STK3: variants seen among roughly 807,000 people sequenced by gnomAD.
STK3 encodes the protein serine/threonine kinase 3, also known as serine/threonine-protein kinase 3.
STK3 carries 41 observed loss-of-function variants against 58.0 expected under a neutral mutation model. That is an observed-to-expected ratio of 0.71 (90% CI 0.55 to 0.92). STK3 has a LOEUF of 0.92. Ranked by LOEUF, STK3 falls within the 40% of genes least tolerant of loss-of-function variation. STK3 has a pLI of 0.00. For synonymous variants in STK3, 170 were observed against 191.0 expected, an observed-to-expected ratio of 0.89 and a Z score of 0.91; for missense variants, 479 against 602.7, an observed-to-expected ratio of 0.79 and a Z score of 2.15.
intron 1 of STK3, among the ~76,000 whole-genome samples, chr8:98,906,942 G>A (rs1341629563): frequency 6.7e-6 from 1 of 149,964 alleles, no homozygotes; most frequent in African/African-American, 2.5e-5. Flanking sequence ...GAGACCAGGA[G>A]TTCGAGACCA....
chr8:98,752,420 A>G (rs2131369515), intron 3 of STK3, among the ~76,000 whole-genome samples: 1 of 152,260 alleles, frequency 6.6e-6, no homozygotes, highest in South Asian at 2.1e-4. Context: ...TTGAAACTGG[A>G]CCCCTCCCTT....
chr8:98,438,015 A>G (rs1481674618), intron 1 of STK3: 3 of 152,318 alleles, frequency 2.0e-5, no homozygotes, highest in African/African-American at 4.8e-5. Context: ...GAGGCAAACC[A>G]TTTCCACCCT....
intron 4 of STK3, among the ~76,000 whole-genome samples, chr8:98,715,581 G>A (rs1289344554): frequency 6.6e-6 from 1 of 152,144 alleles, no homozygotes; most frequent in Non-Finnish European, 1.5e-5. Context: ...ACCACAATGA[G>A]ATACCATCTC....
intron 1 of STK3, among the ~76,000 whole-genome samples, chr8:98,935,176 G>T (rs1426089515): frequency 2.0e-5 from 3 of 152,028 alleles, no homozygotes; most frequent in Admixed American, 2.0e-4. Context: ...TGGGGGTGGG[G>T]GGCTTGCCCT....
chr8:98,511,673 A>G (rs1330787462), intron 10 of STK3, among the ~76,000 whole-genome samples: 5 of 152,252 alleles, frequency 3.3e-5, no homozygotes, highest in Admixed American at 6.5e-5. Flanking sequence ...AATACCATCC[A>G]CTTTCTCCTG....
intron 8 of STK3, among the ~76,000 whole-genome samples, chr8:98,548,647 A>G (rs892178819): frequency 6.6e-6 from 1 of 152,160 alleles, no homozygotes; most frequent in Non-Finnish European, 1.5e-5. Flanking sequence ...TTTTAAGTGT[A>G]TAACTCTGTA....
chr8:98,584,181 C>T (rs1392897689), intron 7 of STK3, among the ~76,000 whole-genome samples: 1 of 151,798 alleles, frequency 6.6e-6, no homozygotes, highest in Non-Finnish European at 1.5e-5. Context: ...ATGTGCCATG[C>T]TGGTGCGCTG....
chr8:98,510,988 G>A (rs1824471019), intron 10 of STK3, among the ~76,000 whole-genome samples: 1 of 151,888 alleles, frequency 6.6e-6, no homozygotes, highest in South Asian at 2.1e-4. Context: ...AACTAAAAAG[G>A]AGTTTTGTTA....
At chr8:98,382,170 C>T (rs1335630890) in intron 1 of STK3, among the ~76,000 whole-genome samples, 4 of 152,020 alleles carry the variant, frequency 2.6e-5, no homozygotes, top group Non-Finnish European at 5.9e-5. Flanking sequence ...GCCACGGTGA[C>T]CCTTCCTGGC....
chr8:98,610,412 C>T (rs1414051658), intron 6 of STK3, among the ~76,000 whole-genome samples: 4 of 152,168 alleles, frequency 2.6e-5, no homozygotes, highest in Non-Finnish European at 5.9e-5. Flanking sequence ...TGCAATACTG[C>T]CTAGCTTCAT....
At chr8:98,507,552 T>C (rs1824194026) in intron 10 of STK3, among the ~76,000 whole-genome samples, 1 of 152,238 alleles carries the variant, frequency 6.6e-6, no homozygotes, top group African/African-American at 2.4e-5. Context: ...GTCAGTCAGT[T>C]AGAGATCAAG....
At chr8:98,585,367 G>T (rs1199755681) in intron 7 of STK3, among the ~76,000 whole-genome samples, 2 of 151,960 alleles carry the variant, frequency 1.3e-5, no homozygotes, top group Non-Finnish European at 2.9e-5. Context: ...TTTCCCCATT[G>T]CTTGTTTTTC....
At chr8:98,915,889 A>C (rs896644921) in intron 1 of STK3, among the ~76,000 whole-genome samples, 1 of 152,080 alleles carries the variant, frequency 6.6e-6, no homozygotes, top group Admixed American at 6.6e-5. Context: ...CATTTTACCT[A>C]TCTATTTTAG....
rs143723326 is a variant in STK3, at chr8:98,760,112, C to G, written c.236+7131G>C. Among the ~76,000 whole-genome samples, 172 of 151,756 alleles carry G rather than the reference C, an allele frequency of 1.1e-3. 1 individual carries two copies. Among genetic ancestry groups the G allele is most frequent in the African/African-American group, 3.7e-3 (152 of 41,372 alleles). ...CTGTGGATGCAGAACAAGCAGGATACAGAGGGCTAACTGTAGTTTTGTTAC... is the reference window on the plus strand; with the variant it reads ...CTGTGGATGCAGAACAAGCAGGATAGAGAGGGCTAACTGTAGTTTTGTTAC... On this transcript the variant is annotated intron_variant, in intron 3 of 10. Coordinates refer to ENST00000419617, the MANE Select transcript of STK3 (RefSeq NM_006281.4).
chr8:98,904,338 A>G (rs986246708), intron 1 of STK3, among the ~76,000 whole-genome samples: 1 of 152,180 alleles, frequency 6.6e-6, no homozygotes, highest in Admixed American at 6.5e-5. Context: ...ATGCCAGCAT[A>G]ATCCTTACCT....
chr8:98,888,155 C>T (rs1838061104), intron 1 of STK3, among the ~76,000 whole-genome samples: 1 of 152,022 alleles, frequency 6.6e-6, no homozygotes, highest in South Asian at 2.1e-4. Flanking sequence ...CCTATCTCTA[C>T]TAAAAATACA....
At chr8:98,472,036 C>T in intron 10 of STK3, among the ~76,000 whole-genome samples, 1 of 152,136 alleles carries the variant, frequency 6.6e-6, no homozygotes, top group Admixed American at 6.5e-5. Flanking sequence ...CTGGCAGACA[C>T]TATGCTGTTA....
chr8:98,739,622 A>T (rs1587474490), intron 4 of STK3, among the ~76,000 whole-genome samples: 1 of 147,464 alleles, frequency 6.8e-6, no homozygotes, highest in Non-Finnish European at 1.5e-5. Flanking sequence ...GACCAAAAGT[A>T]GATAAAACCA....
chr8:98,789,384 A>G (rs1263132940), intron 1 of STK3, among the ~76,000 whole-genome samples: 1 of 152,188 alleles, frequency 6.6e-6, no homozygotes, highest in Non-Finnish European at 1.5e-5. Flanking sequence ...CAAACCCAGT[A>G]TAAGAAAGGA....
Sources: allele counts gnomAD v4.1 joint callset (sites outside exome capture counted in the v4.1 genomes callset), GRCh38; gene constraint gnomAD v4.1.1; transcripts MANE v1.5; gene names NCBI Gene and HGNC (gene_info 2026-07-23, HGNC 2026-07-21).